PRKAG2: variants seen among roughly 807,000 people sequenced by gnomAD.
PRKAG2 encodes protein kinase AMP-activated non-catalytic subunit gamma 2.
In PRKAG2, 26 loss-of-function variants were observed where a neutral mutation model predicts 69.6. That is an observed-to-expected ratio of 0.37 (90% CI 0.27 to 0.52). PRKAG2 has a LOEUF of 0.52. PRKAG2 is among the 20% of genes least tolerant of loss of function. The pLI is 0.90. For synonymous variants in PRKAG2, 293 were observed against 285.0 expected, an observed-to-expected ratio of 1.03 and a Z score of -0.28; for missense variants, 557 against 740.0, an observed-to-expected ratio of 0.75 and a Z score of 2.87.
chr7:151,607,791 C>T (rs1025693434), intron 5 of PRKAG2, among the ~76,000 whole-genome samples: 1 of 152,176 alleles, frequency 6.6e-6, no homozygotes, highest in African/African-American at 2.4e-5. Flanking sequence ...ACACACTATT[C>T]TTTCTTCCTC....
chr7:151,657,407 G>A (rs1184708721), intron 4 of PRKAG2, among the ~76,000 whole-genome samples: 2 of 152,140 alleles, frequency 1.3e-5, no homozygotes, highest in Non-Finnish European at 2.9e-5. Flanking sequence ...TCCACTGTGT[G>A]CCTGGTATAG....
intron 1 of PRKAG2, among the ~76,000 whole-genome samples, chr7:151,858,109 A>C (rs140935164): frequency 6.6e-6 from 1 of 152,208 alleles, no homozygotes; most frequent in Non-Finnish European, 1.5e-5. Context: ...CCTCTTCCAC[A>C]GTCAGCTACA....
chr7:151,620,787 A>AGATTAAAAAAATTTTTTTTT (rs1821307255), intron 5 of PRKAG2, among the ~76,000 whole-genome samples: 1 of 78,328 alleles, frequency 1.3e-5, no homozygotes, highest in African/African-American at 4.3e-5. Context: ...GCTCCTTAAT[A>AGATTAAAAAAATTTTTTTTT]GATTAAAAAA....
At chr7:151,573,201 G>T (rs151132026) in intron 8 of PRKAG2, among the ~76,000 whole-genome samples, 1 of 149,872 alleles carries the variant, frequency 6.7e-6, no homozygotes, top group Admixed American at 6.7e-5. Flanking sequence ...TCTGTCATCC[G>T]GGCTGGAGTG....
At chr7:151,808,870 A>G (rs996691887) in intron 1 of PRKAG2, among the ~76,000 whole-genome samples, 10 of 152,144 alleles carry the variant, frequency 6.6e-5, no homozygotes, top group Non-Finnish European at 1.2e-4. Flanking sequence ...GCCAGCATCC[A>G]AGGCTAAAGC....
chr7:151,796,541 T>C (rs2151832538), intron 1 of PRKAG2, among the ~76,000 whole-genome samples: 1 of 152,342 alleles, frequency 6.6e-6, no homozygotes, highest in East Asian at 1.9e-4. Context: ...TCCTCTTGCC[T>C]TCGCACGCTG....
intron 13 of PRKAG2, 53 bp downstream of exon 13, chr7:151,565,293 G>GAATGTTTAAAATGTTTAAATGCATTAA: frequency 7.8e-7 from 1 of 1,280,000 alleles, no homozygotes; most frequent in South Asian, 1.4e-5. Flanking sequence ...CACATTACAT[G>GAATGTTTAAAATGTTTAAATGCATTAA]AATGTTTAAA....
intron 1 of PRKAG2, among the ~76,000 whole-genome samples, chr7:151,861,528 CAA>C (rs11406004): frequency 4.1e-5 from 4 of 96,586 alleles, no homozygotes; most frequent in African/African-American, 8.6e-5. Flanking sequence ...ACTCTGTCTC[CAA>C]AAAAAAAAAA....
At chr7:151,735,764 A>C (rs2151697058) in intron 3 of PRKAG2, 1 of 1,233,288 alleles carries the variant, frequency 8.1e-7, no homozygotes, top group South Asian at 1.5e-5. Context: ...TATTCCTCTA[A>C]CCACCGCCTG....
intron 3 of PRKAG2, among the ~76,000 whole-genome samples, chr7:151,765,355 C>G (rs1482270947): frequency 6.6e-6 from 1 of 152,156 alleles, no homozygotes; most frequent in South Asian, 2.1e-4. Context: ...CATTCACTAT[C>G]GCCAGAATAG....
intron 3 of PRKAG2, among the ~76,000 whole-genome samples, chr7:151,755,107 G>A (rs1005041605): frequency 1.3e-5 from 2 of 152,130 alleles, no homozygotes; most frequent in African/African-American, 4.8e-5. Context: ...CGGGGGTCGG[G>A]GGCTGGTCCT....
At chr7:151,768,912 C>T (rs2075881181) in intron 3 of PRKAG2, among the ~76,000 whole-genome samples, 1 of 152,238 alleles carries the variant, frequency 6.6e-6, no homozygotes, top group African/African-American at 2.4e-5. Context: ...TGTCATGATT[C>T]TTACCCACTC....
chr7:151,852,035 C>G (rs1471181556), intron 1 of PRKAG2, among the ~76,000 whole-genome samples: 1 of 152,174 alleles, frequency 6.6e-6, no homozygotes, highest in Non-Finnish European at 1.5e-5. Flanking sequence ...CGTCCCATGT[C>G]TGGAAGAATG....
At chr7:151,875,206 C>A (rs1461213263) in intron 1 of PRKAG2, among the ~76,000 whole-genome samples, 1 of 152,234 alleles carries the variant, frequency 6.6e-6, no homozygotes, top group Non-Finnish European at 1.5e-5. Flanking sequence ...GTTTCCAGCC[C>A]CAGAGCTTTC....
At chr7:151,802,878 A>G (rs1563701511) in intron 1 of PRKAG2, among the ~76,000 whole-genome samples, 1 of 152,016 alleles carries the variant, frequency 6.6e-6, no homozygotes, top group Non-Finnish European at 1.5e-5. Flanking sequence ...ATTCCTCAAA[A>G]AAGGGGGCTC....
chr7:151,786,386 C>G (rs1259533431), intron 2 of PRKAG2, 84 bp downstream of exon 2: 14 of 1,343,052 alleles, frequency 1.0e-5, no homozygotes, highest in Non-Finnish European at 1.5e-5. Context: ...AGGGTGAACA[C>G]ACAGGTGGAA....
At chr7:151,623,555 A>G (rs749952565) in intron 5 of PRKAG2, among the ~76,000 whole-genome samples, 1 of 152,046 alleles carries the variant, frequency 6.6e-6, no homozygotes, top group Non-Finnish European at 1.5e-5. Context: ...GATTCCTAAC[A>G]GTAGTGGTCT....
intron 5 of PRKAG2, among the ~76,000 whole-genome samples, chr7:151,626,442 G>A (rs1822923349): frequency 6.6e-6 from 1 of 152,214 alleles, no homozygotes; most frequent in South Asian, 2.1e-4. Context: ...TCATACAATT[G>A]TAACTACTCA....
At chr7:151,681,288 T>C (rs564544813) in intron 3 of PRKAG2, among the ~76,000 whole-genome samples, 33 of 152,310 alleles carry the variant, frequency 2.2e-4, no homozygotes, top group African/African-American at 7.7e-4. Context: ...TTCTCTATCA[T>C]TGCCATCTTT....
Sources: gnomAD v4.1 joint callset for allele counts (sites outside exome capture counted in the v4.1 genomes callset) on GRCh38, gnomAD v4.1.1 for gene constraint, MANE v1.5 for transcripts, NCBI Gene and HGNC (gene_info 2026-07-23, HGNC 2026-07-21) for gene names.